TRIP12: variants seen among roughly 807,000 people sequenced by gnomAD.
TRIP12 encodes the protein thyroid hormone receptor interactor 12.
In TRIP12, 25 loss-of-function variants were observed where a neutral mutation model predicts 244.2. The ratio of observed to expected loss-of-function variants is 0.10; its 90% CI spans 0.07 to 0.14. The LOEUF is 0.14. TRIP12 is among the 10% of genes least tolerant of loss of function. The probability of loss-of-function intolerance (pLI) is 1.00; values close to 1 mark genes in which losing one functional copy is unlikely to be tolerated. For synonymous variants in TRIP12, 905 were observed against 873.1 expected (o/e 1.04, Z -0.64); for missense variants, 1,677 against 2,486.4 (o/e 0.67, Z 6.92).
chr2:229,788,192 G>A (rs1027301099), intron 32 of TRIP12, among the ~76,000 whole-genome samples: 1 of 152,162 alleles, frequency 6.6e-6, no homozygotes. Context: ...TTTCAATGCA[G>A]AATCTGATAT....
rs1035805240 is a variant in TRIP12 at position 229,785,845 on chromosome 2, T to A, written c.5006A>T (p.Asn1669Ile). ...PRLDRKKRTV[N>I]REELLKQAES... The stretch of plus-strand genomic sequence containing the variant: ...CGCCTGTTTCAGCAGCTCCTCTCGG[T>A]TCACAGTACGCTACAAAGAAAGTAC... The change falls in exon 34 of 42, where the codon AAC becomes ATC. Residue 1669 changes from asparagine (N) to isoleucine (I), a missense_variant. Physicochemically the swap from Asn to Ile is moderately radical, Grantham distance 149. This residue lies in a region of TRIP12 where 30 missense variants were observed against 64.7 expected (regional missense o/e 0.46). Coordinates refer to ENST00000675903, the MANE Select transcript of TRIP12 (RefSeq NM_001348323.3). 6.2e-7 allele frequency: 1 copy of A among 1,613,048 alleles called. No individual in the cohort carries two copies. The highest frequency in any genetic ancestry group is 8.5e-7 in the Non-Finnish European group (1 of 1,179,656).
At chr2:229,848,669 A>C (rs1378378821) in intron 4 of TRIP12, among the ~76,000 whole-genome samples, 1 of 152,168 alleles carries the variant, frequency 6.6e-6, no homozygotes, top group Non-Finnish European at 1.5e-5. Flanking sequence ...TTTGCCTAGG[A>C]CTATGCTGGT....
intron 9 of TRIP12, among the ~76,000 whole-genome samples, chr2:229,817,642 C>T (rs1418347128): frequency 2.6e-5 from 4 of 152,106 alleles, no homozygotes; most frequent in Non-Finnish European, 5.9e-5. Context: ...TGCAGTGGCG[C>T]GATCTTGGCT....
intron 21 of TRIP12, among the ~76,000 whole-genome samples, chr2:229,800,920 AAAAG>A (rs2044144270): frequency 6.6e-6 from 1 of 152,250 alleles, no homozygotes; most frequent in African/African-American, 2.4e-5. Flanking sequence ...GAAAAAAAGA[AAAAG>A]AAAAAAGGGA....
intron 1 of TRIP12, among the ~76,000 whole-genome samples, chr2:229,905,331 A>T (rs1049012528): frequency 3.9e-5 from 6 of 152,188 alleles, no homozygotes; most frequent in Non-Finnish European, 7.4e-5. Flanking sequence ...AAGTGCAGAT[A>T]ATAGGAGTCA....
At chr2:229,866,262 C>A (rs1039571530) in intron 2 of TRIP12, among the ~76,000 whole-genome samples, 1 of 152,110 alleles carries the variant, frequency 6.6e-6, no homozygotes, top group Admixed American at 6.5e-5. Flanking sequence ...ATTTTTTTGG[C>A]AGCTTTACCA....
At chr2:229,799,960 T>G (rs1291935305) in intron 21 of TRIP12, among the ~76,000 whole-genome samples, 2 of 152,232 alleles carry the variant, frequency 1.3e-5, no homozygotes, top group Non-Finnish European at 2.9e-5. Flanking sequence ...CAATTTTCTA[T>G]GTGTTCCACT....
intron 1 of TRIP12, among the ~76,000 whole-genome samples, chr2:229,915,198 A>G (rs1039622306): frequency 6.6e-6 from 1 of 152,132 alleles, no homozygotes; most frequent in Non-Finnish European, 1.5e-5. Context: ...GTTACAAGTG[A>G]GCCAAGATTG....
At chr2:229,864,077 T>TGC (rs1553712391) in intron 2 of TRIP12, among the ~76,000 whole-genome samples, 4 of 140,644 alleles carry the variant, frequency 2.8e-5, no homozygotes, top group South Asian at 2.3e-4. Context: ...TGTGTGTGTG[T>TGC]GCACGCGCAC....
chr2:229,867,108 TG>T (rs1250889542), intron 2 of TRIP12, among the ~76,000 whole-genome samples: 75 of 144,698 alleles, frequency 5.2e-4, no homozygotes, highest in African/African-American at 1.7e-3. Context: ...TTTTTTTTTT[TG>T]TTTTTTTTTT....
At chr2:229,841,023 A>G (rs551365870) in intron 4 of TRIP12, 96 bp from the exon 5 acceptor site, 2 of 890,186 alleles carry the variant, frequency 2.2e-6, no homozygotes, top group East Asian at 2.7e-5. Flanking sequence ...TCAAAACTTC[A>G]CAGAATATTT....
chr2:229,911,518 T>G (rs1249490748), intron 1 of TRIP12, among the ~76,000 whole-genome samples: 1 of 152,242 alleles, frequency 6.6e-6, no homozygotes, highest in Non-Finnish European at 1.5e-5. Flanking sequence ...TATGTTCTCC[T>G]GTTCTATTCC....
At chr2:229,862,767 T>C (rs2060676942) in intron 2 of TRIP12, among the ~76,000 whole-genome samples, 1 of 152,222 alleles carries the variant, frequency 6.6e-6, no homozygotes, top group Non-Finnish European at 1.5e-5. Context: ...GACTTTTATA[T>C]AGCTTATGTT....
At chr2:229,773,864 G>C (rs1404068379) in intron 38 of TRIP12, 1 of 372,856 alleles carries the variant, frequency 2.7e-6, no homozygotes, top group African/African-American at 2.1e-5. Flanking sequence ...GGTGTAATTA[G>C]ATAGCATTCA....
chr2:229,902,356 G>A (rs368009070), intron 1 of TRIP12, among the ~76,000 whole-genome samples: 1 of 152,064 alleles, frequency 6.6e-6, no homozygotes. Flanking sequence ...CTCCAGTCTG[G>A]GCAATGCAGC....
rs1030596406 is a variant in TRIP12, at chr2:229,860,538, G to A, written c.99-7C>T. The A allele has an allele frequency of 1.9e-6, 3 of 1,581,840 alleles. No individual in the cohort carries two copies. Among genetic ancestry groups the A allele is most frequent in the African/African-American group, 2.7e-5 (2 of 73,788 alleles). On this transcript the variant is annotated splice_region_variant and splice_polypyrimidine_tract_variant and intron_variant, in intron 2 of 41. Coordinates refer to ENST00000675903, the MANE Select transcript of TRIP12 (RefSeq NM_001348323.3). ...TGCCTGCCCTAAATGTGACCTGTCA[G>A]CAGAAAATCAAAACAGAAATCTATC...
chr2:229,865,214 G>C (rs534449381), intron 2 of TRIP12, among the ~76,000 whole-genome samples: 1 of 151,614 alleles, frequency 6.6e-6, no homozygotes, highest in African/African-American at 2.4e-5. Flanking sequence ...CGGGAAGCTG[G>C]GGTGGGGAAG....
rs1249517847 is a variant in TRIP12, at chr2:229,810,973, T to C, written c.2128A>G (p.Ile710Val). ...VQQLLVVTPP[I>V]LSSGMFIMVV... Reference sequence around the variant, plus strand: ...ATTATAAACATCCCAGAACTTAAAATGGGTGGAGTCACTACCAACAGCTGT... The same window carrying C: ...ATTATAAACATCCCAGAACTTAAAACGGGTGGAGTCACTACCAACAGCTGT... Residue 710 changes from isoleucine (I) to valine (V), a missense_variant, in exon 15 of 42, where the codon ATT (isoleucine) becomes GTT (valine). By Grantham distance (29) the Ile-to-Val change is conservative. Around this residue, in one of 11 missense-constraint regions of TRIP12, gnomAD observed 572 missense variants for 867.8 expected, o/e 0.66. Coordinates refer to ENST00000675903, the MANE Select transcript of TRIP12 (RefSeq NM_001348323.3). 5.0e-6 allele frequency: 8 copies of C among 1,614,082 alleles called. No homozygotes were observed. The highest frequency in any genetic ancestry group is 6.8e-6 in the Non-Finnish European group (8 of 1,179,988).
rs371315759 is a variant in TRIP12 at position 229,868,260 on chromosome 2, G to A, written c.99-7729C>T. 9.9e-5 allele frequency among the ~76,000 whole-genome samples: 15 copies of A among 152,196 alleles called. 1 individual carries two copies. In the South Asian group the frequency reaches 2.7e-3, roughly 27 times the overall value. On this transcript the variant is annotated intron_variant, in intron 2 of 41. Transcript: ENST00000675903. ...TCTCTAGTCCAGGCTGGAGTGCAGCGGTGTAATCTTGGCTTACTGCAGCCT... is the reference window on the plus strand; with the variant it reads ...TCTCTAGTCCAGGCTGGAGTGCAGCAGTGTAATCTTGGCTTACTGCAGCCT...
Sources: allele counts gnomAD v4.1 joint callset (sites outside exome capture counted in the v4.1 genomes callset), GRCh38; gene constraint gnomAD v4.1.1; regional missense constraint gnomAD v4.1.1; transcripts MANE v1.5; gene names NCBI Gene and HGNC (gene_info 2026-07-23, HGNC 2026-07-21).